GLIS1: variants seen among roughly 807,000 people sequenced by gnomAD.
GLIS1 encodes the protein GLIS family zinc finger 1.
A neutral mutation model predicts 63.8 loss-of-function variants in GLIS1; 24 were observed. The observed-to-expected ratio is 0.38, with a 90% CI of 0.27 to 0.53. The LOEUF is 0.53. Among genes scored for constraint, GLIS1 ranks in the 20% least tolerant of loss-of-function variants. The probability of loss-of-function intolerance (pLI) is 0.85; values close to 1 mark genes in which losing one functional copy is unlikely to be tolerated. For missense variants in GLIS1, 1,036 were observed against 1,074.1 expected, an observed-to-expected ratio of 0.96 and a Z score of 0.50; for synonymous variants, 450 against 482.5, an observed-to-expected ratio of 0.93 and a Z score of 0.88.
At chr1:53,658,905 T>G (rs1645996301) in intron 2 of GLIS1, among the ~76,000 whole-genome samples, 1 of 149,604 alleles carries the variant, frequency 6.7e-6, no homozygotes, top group African/African-American at 2.5e-5. Flanking sequence ...AGTGGGGAGG[T>G]GGGGGGCACA....
At position 53,511,180 on chromosome 1, in the gene GLIS1, TGAGAGCTCG is replaced by T. The variant is rs1283042210; in HGVS notation, c.1884-1162_1884-1154del. On this transcript the variant is annotated intron_variant, in intron 8 of 10. Transcript: ENST00000628545. The surrounding 1 kb of genome is among the most constrained non-coding windows in gnomAD (Gnocchi z 4.2). ...GTACATGGCAGAAAGAGGGAGATAG[TGAGAGCTCG>T]GAGTCCCCATTTTCTTGTCTGGATT... Among the ~76,000 whole-genome samples, 1 of 152,192 alleles carries T rather than the reference TGAGAGCTCG, an allele frequency of 6.6e-6. No homozygotes were observed. Among genetic ancestry groups the T allele is most frequent in the Admixed American group, 6.5e-5 (1 of 15,268 alleles).
chr1:53,627,918 A>C (rs1240631744), intron 2 of GLIS1, among the ~76,000 whole-genome samples: 1 of 152,212 alleles, frequency 6.6e-6, no homozygotes, highest in African/African-American at 2.4e-5. Flanking sequence ...ATGCTCCAAG[A>C]TAGCTTGCTC....
At chr1:53,609,242 ATATTTGGG>A (rs1645401235) in intron 2 of GLIS1, among the ~76,000 whole-genome samples, 1 of 127,068 alleles carries the variant, frequency 7.9e-6, no homozygotes, top group Admixed American at 7.9e-5. Flanking sequence ...CAATTACCAT[ATATTTGGG>A]TATTTGGGTT....
chr1:53,633,862 T>A (rs2100262376), intron 2 of GLIS1, among the ~76,000 whole-genome samples: 1 of 152,294 alleles, frequency 6.6e-6, no homozygotes, highest in South Asian at 2.1e-4. Context: ...CAGGATCACT[T>A]TGGCCACTGT....
intron 2 of GLIS1, among the ~76,000 whole-genome samples, chr1:53,632,440 G>C (rs1458465655): frequency 6.8e-6 from 1 of 147,624 alleles, no homozygotes; most frequent in African/African-American, 2.5e-5. Flanking sequence ...TGACTGAGGG[G>C]TGTAATGAGT....
In GLIS1 at chr1:53,526,999, G is replaced by C. The variant is rs560590161; in HGVS notation, c.1483-2112C>G. ...CGGAGCCCCTGCCCGTCTGCACTTGGAGGCCAGCTCTGCTGGGAGCGCTCC... is the reference window on the plus strand; with the variant it reads ...CGGAGCCCCTGCCCGTCTGCACTTGCAGGCCAGCTCTGCTGGGAGCGCTCC... On this transcript the variant is annotated intron_variant, in intron 5 of 10. Coordinates refer to ENST00000628545, the MANE Select transcript of GLIS1 (RefSeq NM_001367484.1). The surrounding 1 kb of genome is among the most constrained non-coding windows in gnomAD (Gnocchi z 4.4). 2.6e-4 allele frequency among the ~76,000 whole-genome samples: 40 copies of C among 152,322 alleles called. No homozygotes were observed. In the South Asian group the frequency reaches 7.5e-3, roughly 28 times the overall value.
intron 4 of GLIS1, among the ~76,000 whole-genome samples, chr1:53,583,463 C>A (rs1202906032): frequency 2.6e-5 from 4 of 152,244 alleles, no homozygotes; most frequent in African/African-American, 7.2e-5. Context: ...TCTTGCCCCC[C>A]AGAATGCAGA....
At chr1:53,595,085 A>G in intron 3 of GLIS1, 95 bp from the exon 4 acceptor site, 1 of 1,158,314 alleles carries the variant, frequency 8.6e-7, no homozygotes, top group Non-Finnish European at 1.1e-6. Flanking sequence ...GGATCAAGGG[A>G]TGGACAAGCC....
At chr1:53,507,263 C>A (rs532978613) in intron 10 of GLIS1, among the ~76,000 whole-genome samples, 1 of 152,222 alleles carries the variant, frequency 6.6e-6, no homozygotes, top group Non-Finnish European at 1.5e-5. Context: ...TGCCTCGCTT[C>A]GGCTCCACAA....
intron 2 of GLIS1, among the ~76,000 whole-genome samples, chr1:53,670,664 C>T (rs1255171945): frequency 6.6e-6 from 1 of 152,190 alleles, no homozygotes; most frequent in Non-Finnish European, 1.5e-5. Flanking sequence ...TGAGTTCCCA[C>T]AGCAAAGCTC....
intron 4 of GLIS1, among the ~76,000 whole-genome samples, chr1:53,583,854 AACTTT>A: frequency 6.6e-6 from 1 of 152,214 alleles, no homozygotes; most frequent in East Asian, 1.9e-4. Flanking sequence ...CAGTTGTGCA[AACTTT>A]ACGGAACCAC....
chr1:53,608,953 G>C (rs375869629), intron 2 of GLIS1, among the ~76,000 whole-genome samples: 2 of 152,188 alleles, frequency 1.3e-5, no homozygotes, highest in Non-Finnish European at 2.9e-5. Context: ...AAGCCATCCT[G>C]TTCCCCTAAG....
chr1:53,663,585 G>T (rs57651758), intron 2 of GLIS1, among the ~76,000 whole-genome samples: 8,313 of 152,292 alleles, frequency 0.055, 317 homozygotes, highest in African/African-American at 0.11. Flanking sequence ...CTGCCTCATT[G>T]CCCTTCACGG....
intron 2 of GLIS1, among the ~76,000 whole-genome samples, chr1:53,602,853 CA>C (rs903107869): frequency 6.6e-6 from 1 of 152,196 alleles, no homozygotes; most frequent in African/African-American, 2.4e-5. Flanking sequence ...CCTTTGACTC[CA>C]ATGAGGGTCA....
chr1:53,618,690 G>A (rs1405515507), intron 2 of GLIS1, among the ~76,000 whole-genome samples: 1 of 152,168 alleles, frequency 6.6e-6, no homozygotes, highest in Non-Finnish European at 1.5e-5. Flanking sequence ...CTGATGAAGG[G>A]CAGCCCACTC....
rs1198083557 is a variant in GLIS1 at position 53,646,525 on chromosome 1, A to G, written c.260-46247T>C. Among the ~76,000 whole-genome samples the G allele has an allele frequency of 6.6e-6, 1 of 152,186 alleles. No individual in the cohort carries two copies. Among genetic ancestry groups the G allele is most frequent in the Non-Finnish European group, 1.5e-5 (1 of 68,018 alleles). On this transcript the variant is annotated intron_variant, in intron 2 of 10. Coordinates refer to ENST00000628545, the MANE Select transcript of GLIS1 (RefSeq NM_001367484.1). The surrounding 1 kb of genome is among the most constrained non-coding windows in gnomAD (Gnocchi z 4.2). Reference sequence around the variant, plus strand: ...AGACCTCAACAAAGAAAATTGCTAGACAGGCTGGACATGGTGGCTCACACC... The same window carrying G: ...AGACCTCAACAAAGAAAATTGCTAGGCAGGCTGGACATGGTGGCTCACACC...
rs540347714 is a variant in GLIS1, at chr1:53,633,601, A to G, written c.260-33323T>C. 9.3e-4 allele frequency among the ~76,000 whole-genome samples: 141 copies of G among 152,068 alleles called. 1 individual carries two copies. Among genetic ancestry groups the G allele is most frequent in the African/African-American group, 3.2e-3 (133 of 41,400 alleles). On this transcript the variant is annotated intron_variant, in intron 2 of 10. Coordinates refer to ENST00000628545, the MANE Select transcript of GLIS1 (RefSeq NM_001367484.1). ...GCTCTTCCTTTACCTCCATGTCTGG[A>G]AGAAATTAGGACTTCGTGAGTTTTA...
chr1:53,651,735 A>G (rs2100329552), intron 2 of GLIS1, among the ~76,000 whole-genome samples: 1 of 152,254 alleles, frequency 6.6e-6, no homozygotes, highest in African/African-American at 2.4e-5. Flanking sequence ...TTAGCTGGGC[A>G]TGGTGGCACA....
chr1:53,578,272 GATA>G (rs1240441469), intron 4 of GLIS1, among the ~76,000 whole-genome samples: 3 of 152,288 alleles, frequency 2.0e-5, no homozygotes, highest in South Asian at 4.2e-4. Context: ...GTAAAATGGG[GATA>G]ATGACAGCTA....
Sources: allele counts gnomAD v4.1 joint callset (sites outside exome capture counted in the v4.1 genomes callset), GRCh38; gene constraint gnomAD v4.1.1; non-coding constraint Gnocchi (gnomAD v3.1); transcripts MANE v1.5; gene names NCBI Gene and HGNC (gene_info 2026-07-23, HGNC 2026-07-21).